The following RNF145 variants were observed in gnomAD, a reference collection of about 807,000 sequenced individuals.
RNF145 encodes the protein ring finger protein 145.
RNF145 carries 12 observed loss-of-function variants against 57.3 expected under a neutral mutation model. That is an observed-to-expected ratio of 0.21 (90% CI 0.13 to 0.34). The LOEUF is 0.34. Among genes scored for constraint, RNF145 ranks in the 10% least tolerant of loss-of-function variants. The pLI, the probability that RNF145 is intolerant of heterozygous loss-of-function variation, is 1.00. For missense variants in RNF145, 429 were observed against 799.0 expected, an observed-to-expected ratio of 0.54 and a Z score of 5.58; for synonymous variants, 262 against 288.3, an observed-to-expected ratio of 0.91 and a Z score of 0.92.
chr5:159,165,011 G>A (rs1222722854), intron 8 of RNF145, among the ~76,000 whole-genome samples: 2 of 152,156 alleles, frequency 1.3e-5, no homozygotes, highest in African/African-American at 2.4e-5. Context: ...GAATTAGGAC[G>A]CTTTTCCTTT....
chr5:159,184,696 T>A (rs1375975904), intron 3 of RNF145, among the ~76,000 whole-genome samples: 1 of 152,214 alleles, frequency 6.6e-6, no homozygotes, highest in Admixed American at 6.5e-5. Flanking sequence ...CTTTTTTATC[T>A]TAAATACTAC....
At chr5:159,205,568 T>C (rs1361257576) in intron 1 of RNF145, among the ~76,000 whole-genome samples, 1 of 152,200 alleles carries the variant, frequency 6.6e-6, no homozygotes, top group Non-Finnish European at 1.5e-5. Context: ...AGCAAACTGA[T>C]AACCCAATAC....
intron 9 of RNF145, 50 bp downstream of exon 9, chr5:159,162,881 GA>G: frequency 6.8e-7 from 1 of 1,476,342 alleles, no homozygotes; most frequent in South Asian, 1.3e-5. Flanking sequence ...CCTCTGGGAG[GA>G]AAAATAACAA....
chr5:159,205,197 T>C (rs1258520734), intron 1 of RNF145, among the ~76,000 whole-genome samples: 2 of 152,190 alleles, frequency 1.3e-5, no homozygotes, highest in Non-Finnish European at 2.9e-5. Flanking sequence ...CTGCCAATAA[T>C]ATAGATTTAA....
At chr5:159,203,112 A>C (rs187188614) in intron 2 of RNF145, among the ~76,000 whole-genome samples, 2 of 152,318 alleles carry the variant, frequency 1.3e-5, no homozygotes, top group Admixed American at 1.3e-4. Flanking sequence ...AAACCCCAAA[A>C]CAAGGACAAA....
In RNF145 at chr5:159,168,923, CAT is replaced by C; in HGVS notation, c.1069_1070del (p.Met357ValfsTer15). On this transcript the variant is annotated frameshift_variant, in exon 8 of 11. Transcript: ENST00000424310. LOFTEE classifies it high-confidence loss of function. ...AAACAATAGGATCTGCAATTTCTAA[CAT>C]AGACTGTAGGATAGAAGCTACGACA... ...FIVVASILQSMLEIADPIVLA... is the reference protein window; with the variant it reads ...FIVVASILQSXLEIADPIVLA... 1.3e-6 allele frequency: 2 copies of C among 1,595,000 alleles called. No individual in the cohort carries two copies. Among genetic ancestry groups the C allele is most frequent in the Non-Finnish European group, 1.7e-6 (2 of 1,173,970 alleles).
At chr5:159,161,643 T>C (rs1424722427) in intron 9 of RNF145, 21 bp from the exon 10 acceptor site, 3 of 1,201,392 alleles carry the variant, frequency 2.5e-6, no homozygotes, top group Non-Finnish European at 3.6e-6. Flanking sequence ...AAAAAAAATG[T>C]ACGTATCTTG....
At chr5:159,168,447 CCT>C (rs1784452302) in intron 8 of RNF145, among the ~76,000 whole-genome samples, 1 of 152,074 alleles carries the variant, frequency 6.6e-6, no homozygotes, top group Admixed American at 6.6e-5. Context: ...CCTCTATTTT[CCT>C]CTCCTTCATT....
chr5:159,203,292 C>CAAAACTTGATA, intron 2 of RNF145, 142 bp downstream of exon 2: 1 of 618,178 alleles, frequency 1.6e-6, no homozygotes, highest in Non-Finnish European at 2.9e-6. Context: ...ACAAAACTAT[C>CAAAACTTGATA]AAGATTCATA....
chr5:159,181,358 AT>A (rs1012303392), intron 4 of RNF145, among the ~76,000 whole-genome samples: 2 of 152,018 alleles, frequency 1.3e-5, no homozygotes, highest in African/African-American at 4.8e-5. Context: ...CTAATCTCTA[AT>A]ATTAGGCCTG....
intron 6 of RNF145, among the ~76,000 whole-genome samples, chr5:159,170,296 A>G (rs985185475): frequency 3.3e-5 from 5 of 152,246 alleles, no homozygotes; most frequent in African/African-American, 1.2e-4. Flanking sequence ...CTACTCCATC[A>G]GTATCTTACA....
Position 159,161,255 on chromosome 5 carries a change from G to A in RNF145, c.1626+11C>T, listed in dbSNP as rs1225378508. ...TGACTTACCCAAACACATTCTTATT[G>A]AAGGAGTTACCTGATAACAGATGGC... is the stretch of plus-strand genomic sequence containing the variant. On this transcript the variant is annotated intron_variant, in intron 10 of 10. Transcript: ENST00000424310. 6.5e-7 allele frequency: 1 copy of A among 1,548,628 alleles called. No individual in the cohort carries two copies. Among genetic ancestry groups the A allele is most frequent in the Non-Finnish European group, 8.9e-7 (1 of 1,126,790 alleles).
chr5:159,206,655 C>T (rs1040155535), intron 1 of RNF145, among the ~76,000 whole-genome samples: 2 of 152,144 alleles, frequency 1.3e-5, no homozygotes, highest in Non-Finnish European at 2.9e-5. Flanking sequence ...TATTGTCAAA[C>T]AGGGCTAATC....
chr5:159,209,073 A>G (rs1343906280), intron 1 of RNF145, among the ~76,000 whole-genome samples, 158 bp downstream of exon 1: 1 of 151,240 alleles, frequency 6.6e-6, no homozygotes, highest in Non-Finnish European at 1.5e-5. Flanking sequence ...GACTCCTCCA[A>G]TGCTAGGGAG....
rs773559436 is a variant in RNF145 at position 159,161,557 on chromosome 5, T to C, written c.1335A>G (p.Glu445=). The C allele has an allele frequency of 9.3e-6, 15 of 1,613,848 alleles. No homozygotes were observed. The South Asian group carries it at 1.6e-4, about 18-fold the overall frequency. ...CATAGTAGATGACATCATCCATGTT[T>C]TCCACTGGCTCTTTTCTGAATTCCT... The part of the protein sequence containing the change: ...MVEEFRKEPV[E]NMDDVIYYVN... Residue 445 remains glutamate, a synonymous_variant, in exon 10 of 11, where the codon GAA becomes GAG. Transcript: ENST00000424310.
intron 2 of RNF145, among the ~76,000 whole-genome samples, chr5:159,201,070 TAA>T (rs983059289): frequency 5.0e-4 from 76 of 152,354 alleles, no homozygotes; most frequent in African/African-American, 1.5e-3. Context: ...CAAATATATA[TAA>T]GTTAACCCTT....
chr5:159,198,276 T>G (rs1240589669), intron 2 of RNF145, among the ~76,000 whole-genome samples: 3 of 128,162 alleles, frequency 2.3e-5, no homozygotes, highest in South Asian at 2.5e-4. Context: ...AATAAATAAA[T>G]AAAAGAAATA....
intron 8 of RNF145, among the ~76,000 whole-genome samples, chr5:159,168,222 C>T (rs768367172): frequency 6.6e-6 from 1 of 152,032 alleles, no homozygotes; most frequent in Non-Finnish European, 1.5e-5. Flanking sequence ...AAATATCACA[C>T]GAACCTCAAA....
chr5:159,165,939 T>C (rs1179041251), intron 8 of RNF145, among the ~76,000 whole-genome samples: 2 of 152,196 alleles, frequency 1.3e-5, no homozygotes, highest in Non-Finnish European at 2.9e-5. Context: ...TTCTTCTACA[T>C]GTCTCCTACT....
Sources: gnomAD v4.1 joint callset for allele counts (sites outside exome capture counted in the v4.1 genomes callset) on GRCh38, gnomAD v4.1.1 for gene constraint, MANE v1.5 for transcripts, NCBI Gene and HGNC (gene_info 2026-07-23, HGNC 2026-07-21) for gene names.